The following SNTG1 variants were observed in gnomAD, a reference collection of about 807,000 sequenced individuals.
SNTG1 encodes gamma-1-syntrophin.
SNTG1 carries 39 observed loss-of-function variants against 74.7 expected under a neutral mutation model. The observed-to-expected ratio is 0.52, with a 90% CI of 0.40 to 0.68. The LOEUF is 0.68. Ranked by LOEUF, SNTG1 falls within the 30% of genes least tolerant of loss-of-function variation. The pLI is 0.00. For synonymous variants in SNTG1, 254 were observed against 217.1 expected (o/e 1.17, Z -1.49); for missense variants, 685 against 609.5 (o/e 1.12, Z -1.30).
chr8:50,101,403 T>C (rs1586271762), intron 1 of SNTG1, among the ~76,000 whole-genome samples: 1 of 152,130 alleles, frequency 6.6e-6, no homozygotes, highest in South Asian at 2.1e-4. Flanking sequence ...ACCAGCAGTG[T>C]ATAAGCATTC....
chr8:50,577,470 T>C (rs1476399882), intron 12 of SNTG1, among the ~76,000 whole-genome samples: 1 of 151,650 alleles, frequency 6.6e-6, no homozygotes, highest in Non-Finnish European at 1.5e-5. Context: ...TGTTTTTTTT[T>C]TTCTTCTGGT....
intron 18 of SNTG1, among the ~76,000 whole-genome samples, chr8:50,781,327 G>A (rs1466643959): frequency 1.3e-5 from 2 of 151,806 alleles, no homozygotes; most frequent in African/African-American, 2.4e-5. Flanking sequence ...CATTATTATT[G>A]TGTGGGAGTC....
At chr8:49,972,792 C>T (rs11778027) in intron 1 of SNTG1, among the ~76,000 whole-genome samples, 16,427 of 151,960 alleles carry the variant, frequency 0.11, 1,328 homozygotes, top group African/African-American at 0.21. Flanking sequence ...ATCAGAGAAA[C>T]GCAAATCAGA....
chr8:50,487,142 C>G (rs1485113126), intron 8 of SNTG1, among the ~76,000 whole-genome samples: 1 of 152,082 alleles, frequency 6.6e-6, no homozygotes, highest in East Asian at 1.9e-4. Context: ...AGTGAGATAC[C>G]ATCTCACACC....
At chr8:50,515,484 C>T (rs1782002671) in intron 9 of SNTG1, among the ~76,000 whole-genome samples, 1 of 144,888 alleles carries the variant, frequency 6.9e-6, no homozygotes. Flanking sequence ...GGGGCTGAAG[C>T]CAAGGAGCCA....
chr8:50,676,125 C>T (rs764126837), intron 15 of SNTG1, among the ~76,000 whole-genome samples: 2 of 151,896 alleles, frequency 1.3e-5, no homozygotes, highest in African/African-American at 2.4e-5. Context: ...TATATCTTCT[C>T]ATAGAGTATC....
intron 1 of SNTG1, among the ~76,000 whole-genome samples, chr8:50,084,679 G>GA (rs1201669362): frequency 6.6e-6 from 1 of 152,108 alleles, no homozygotes. Context: ...AAATGTCTCT[G>GA]AAAAAACTCA....
chr8:50,349,663 T>C (rs1440052784), intron 2 of SNTG1, among the ~76,000 whole-genome samples: 1 of 152,184 alleles, frequency 6.6e-6, no homozygotes, highest in Admixed American at 6.5e-5. Flanking sequence ...AGTGTATGCT[T>C]GAGTTTTGGA....
At chr8:50,228,171 A>G (rs902613765) in intron 2 of SNTG1, among the ~76,000 whole-genome samples, 4 of 151,974 alleles carry the variant, frequency 2.6e-5, no homozygotes, top group African/African-American at 7.2e-5. Context: ...TGTAAGAGAA[A>G]TGAAGAATAT....
At chr8:50,345,280 TCA>T (rs2091438426) in intron 2 of SNTG1, among the ~76,000 whole-genome samples, 1 of 152,190 alleles carries the variant, frequency 6.6e-6, no homozygotes, top group African/African-American at 2.4e-5. Context: ...TGCTGGAGAC[TCA>T]CAGCAATTAC....
At chr8:50,359,106 T>G (rs1440763297) in intron 2 of SNTG1, among the ~76,000 whole-genome samples, 1 of 152,208 alleles carries the variant, frequency 6.6e-6, no homozygotes, top group African/African-American at 2.4e-5. Context: ...CTTGTGCCTT[T>G]GCTGTCATAA....
rs144285770 is a variant in SNTG1, at chr8:50,475,222, TATAATAATA to T, written c.363+24510_363+24518del. ...TGCATATGTACCCTAAAACTTAAAG[TATAATAATA>T]ATAATAATAATAATAAAAAAGAGCA... On this transcript the variant is annotated intron_variant, in intron 8 of 18. Coordinates refer to ENST00000642720, the MANE Select transcript of SNTG1 (RefSeq NM_018967.5). 2.6e-3 allele frequency among the ~76,000 whole-genome samples: 392 copies of T among 149,268 alleles called. 4 individuals carry two copies. The highest frequency in any genetic ancestry group is 9.2e-3 in the African/African-American group (373 of 40,664).
intron 11 of SNTG1, among the ~76,000 whole-genome samples, chr8:50,550,693 GTA>G (rs368844404): frequency 8.7e-5 from 13 of 148,978 alleles, no homozygotes; most frequent in South Asian, 2.1e-4. Context: ...TAGTGTGTGT[GTA>G]TATATATATA....
At chr8:50,321,011 A>G (rs2090507975) in intron 2 of SNTG1, among the ~76,000 whole-genome samples, 1 of 152,108 alleles carries the variant, frequency 6.6e-6, no homozygotes, top group African/African-American at 2.4e-5. Context: ...AACGTTCTGT[A>G]ACATTACACG....
In SNTG1 at chr8:50,709,069, A is replaced by C. The variant is rs974367061; in HGVS notation, c.1284+91A>C. On this transcript the variant is annotated intron_variant, in intron 17 of 18. Coordinates refer to ENST00000642720, the MANE Select transcript of SNTG1 (RefSeq NM_018967.5). ...GCCTCATAACTCCTTTCAGCATTTT[A>C]ATTGTAATCGTGTCAAATTTAAGAT... 6.9e-5 allele frequency: 62 copies of C among 902,016 alleles called. No homozygotes were observed. In the South Asian group the frequency reaches 7.5e-4, roughly 11 times the overall value. 55.9% of individuals were successfully genotyped at this position (902,016 alleles called of 1,614,324 possible). A position where few individuals can be genotyped will look rare whatever the true frequency, so the allele number is the denominator to read the frequency against.
At chr8:50,736,506 A>C (rs769241414) in intron 17 of SNTG1, among the ~76,000 whole-genome samples, 1 of 151,930 alleles carries the variant, frequency 6.6e-6, no homozygotes, top group Non-Finnish European at 1.5e-5. Context: ...CTGTCAATAT[A>C]AGACCGATCA....
chr8:50,186,575 G>T (rs2083391882), intron 2 of SNTG1, among the ~76,000 whole-genome samples: 1 of 152,098 alleles, frequency 6.6e-6, no homozygotes, highest in Non-Finnish European at 1.5e-5. Context: ...TCTGACTGGT[G>T]TGAGATGGTA....
intron 17 of SNTG1, among the ~76,000 whole-genome samples, chr8:50,741,383 A>T (rs925816975): frequency 1.3e-5 from 2 of 151,992 alleles, no homozygotes; most frequent in Non-Finnish European, 2.9e-5. Context: ...TCCACTTCCC[A>T]AGTGTTGGGA....
In SNTG1 at chr8:50,699,439, G is replaced by A. The variant is rs183197294; in HGVS notation, c.1039-5161G>A. On this transcript the variant is annotated intron_variant, in intron 15 of 18. Coordinates refer to ENST00000642720, the MANE Select transcript of SNTG1 (RefSeq NM_018967.5). ...TTTTGCTTTCATATGTGCAAAGTGT[G>A]ATTGTCTACACACCATTGTCATTCT... Among the ~76,000 whole-genome samples the A allele has an allele frequency of 1.4e-3, 215 of 152,098 alleles. 1 individual carries two copies. Among genetic ancestry groups the A allele is most frequent in the Admixed American group, 3.1e-3 (48 of 15,270 alleles).
Sources: allele counts gnomAD v4.1 joint callset (sites outside exome capture counted in the v4.1 genomes callset), GRCh38; gene constraint gnomAD v4.1.1; transcripts MANE v1.5; gene names NCBI Gene and HGNC (gene_info 2026-07-23, HGNC 2026-07-21).